The following SAMD5 variants were observed in gnomAD, a reference collection of about 807,000 sequenced individuals.
The protein encoded by SAMD5 is sterile alpha motif domain-containing protein 5.
SAMD5 carries 13 observed loss-of-function variants against 11.3 expected under a neutral mutation model. That is an observed-to-expected ratio of 1.15 (90% CI 0.75 to 1.83). SAMD5 has a LOEUF of 1.83. Ranked by LOEUF, SAMD5 falls within the 40% of genes most tolerant of loss-of-function variation. The pLI is 0.00. For missense variants in SAMD5, 255 were observed against 239.1 expected (o/e 1.07, Z -0.44); for synonymous variants, 129 against 111.3 (o/e 1.16, Z -1.00).
intron 1 of SAMD5, among the ~76,000 whole-genome samples, chr6:147,609,563 T>C (rs1298136351): frequency 6.6e-6 from 1 of 152,212 alleles, no homozygotes; most frequent in African/African-American, 2.4e-5. Flanking sequence ...TTTTAAATTT[T>C]CTTTGAGACG....
intron 1 of SAMD5, chr6:147,730,102 A>G (rs1440109203): frequency 2.3e-6 from 1 of 437,722 alleles, no homozygotes; most frequent in East Asian, 7.0e-5. Context: ...AGAAAAGAAA[A>G]AAAGAAAAGG....
chr6:147,658,941 G>A (rs1440440833), intron 1 of SAMD5, among the ~76,000 whole-genome samples: 1 of 152,186 alleles, frequency 6.6e-6, no homozygotes, highest in Non-Finnish European at 1.5e-5. Context: ...AATTTACTCA[G>A]TTAATGAGTG....
intron 1 of SAMD5, among the ~76,000 whole-genome samples, chr6:147,522,249 A>G (rs1188775618): frequency 6.6e-6 from 1 of 152,122 alleles, no homozygotes; most frequent in East Asian, 1.9e-4. Flanking sequence ...ACAACTAGGT[A>G]TTCTTATAAT....
chr6:147,908,628 C>T, the SAMD5 span, among the ~76,000 whole-genome samples: 1 of 152,106 alleles, frequency 6.6e-6, no homozygotes, highest in Non-Finnish European at 1.5e-5. Context: ...CTATATGTTG[C>T]ATATATATTC....
chr6:147,755,968 CA>C, the SAMD5 span, among the ~76,000 whole-genome samples: 1 of 152,002 alleles, frequency 6.6e-6, no homozygotes, highest in African/African-American at 2.4e-5. Flanking sequence ...AAACTTATAA[CA>C]AGGCCATTTC....
the SAMD5 span, among the ~76,000 whole-genome samples, chr6:147,849,221 A>G: frequency 6.8e-6 from 1 of 147,110 alleles, no homozygotes; most frequent in Non-Finnish European, 1.5e-5. Flanking sequence ...TGATCCCTTA[A>G]TTTTTTAAAA....
At chr6:147,523,155 T>C (rs62434707) in intron 1 of SAMD5, among the ~76,000 whole-genome samples, 2,272 of 152,264 alleles carry the variant, frequency 0.015, 22 homozygotes, top group Non-Finnish European at 0.024. Flanking sequence ...AGGAGCTGCT[T>C]GCCAGATGCC....
intron 1 of SAMD5, among the ~76,000 whole-genome samples, chr6:147,540,017 A>T (rs1788574415): frequency 6.6e-6 from 1 of 152,220 alleles, no homozygotes; most frequent in African/African-American, 2.4e-5. Flanking sequence ...TGATTTACAT[A>T]ATTAAGGTTA....
the SAMD5 span, among the ~76,000 whole-genome samples, chr6:147,841,575 A>G: frequency 1.3e-5 from 2 of 152,200 alleles, no homozygotes; most frequent in African/African-American, 2.4e-5. Flanking sequence ...ACTAACATTA[A>G]AGGAGGAAAT....
the SAMD5 span, among the ~76,000 whole-genome samples, chr6:147,920,265 T>C: frequency 1.2e-4 from 19 of 152,312 alleles, no homozygotes; most frequent in African/African-American, 4.6e-4. Context: ...GGACTTGACT[T>C]GCTGAGTCTT....
chr6:147,851,408 C>T, the SAMD5 span, among the ~76,000 whole-genome samples: 3 of 152,108 alleles, frequency 2.0e-5, no homozygotes, highest in Non-Finnish European at 2.9e-5. Flanking sequence ...AACATACCCC[C>T]CTCAAATAAG....
intron 1 of SAMD5, among the ~76,000 whole-genome samples, chr6:147,708,915 C>T (rs948845960): frequency 1.8e-4 from 27 of 152,130 alleles, no homozygotes; most frequent in African/African-American, 6.5e-4. Context: ...GGATTGGTTT[C>T]GCACTTCATT....
chr6:147,656,899 CGTGTGTGTGTGTGT>C (rs55906300), intron 1 of SAMD5, among the ~76,000 whole-genome samples: 3 of 149,062 alleles, frequency 2.0e-5, no homozygotes, highest in African/African-American at 4.9e-5. Flanking sequence ...ATACAGTATA[CGTGTGTGTGTGTGT>C]GTGTGTGTGT....
the SAMD5 span, among the ~76,000 whole-genome samples, chr6:147,763,124 T>A: frequency 6.6e-6 from 1 of 152,118 alleles, no homozygotes; most frequent in Non-Finnish European, 1.5e-5. Context: ...CTGTCTTTAT[T>A]TAAAATTTTG....
chr6:147,868,879 T>G, the SAMD5 span, among the ~76,000 whole-genome samples: 1 of 152,214 alleles, frequency 6.6e-6, no homozygotes, highest in African/African-American at 2.4e-5. Context: ...CAAATAACTT[T>G]GCCCCTATAA....
chr6:147,651,692 G>T (rs2128453425), intron 1 of SAMD5, among the ~76,000 whole-genome samples: 1 of 152,262 alleles, frequency 6.6e-6, no homozygotes, highest in African/African-American at 2.4e-5. Flanking sequence ...TATTTCTGTT[G>T]TTTATAAGCC....
rs140464857 is a variant in SAMD5, at chr6:147,703,918, C to T, written c.163-33399C>T. Among the ~76,000 whole-genome samples, 50 of 152,078 alleles carry T rather than the reference C, an allele frequency of 3.3e-4. No individual in the cohort carries two copies. In the East Asian group the frequency reaches 3.5e-3, roughly 11 times the overall value. On this transcript the variant is annotated intron_variant, in intron 1 of 1. Transcript: ENST00000566741. Reference sequence around the variant, plus strand: ...TATTATTTATTTATTTATTTTTAGACGGATTCTTGCTCTGACGCCCAGGCT... The same window carrying T: ...TATTATTTATTTATTTATTTTTAGATGGATTCTTGCTCTGACGCCCAGGCT...
chr6:147,648,203 C>T (rs1374962364), intron 1 of SAMD5, among the ~76,000 whole-genome samples: 2 of 152,118 alleles, frequency 1.3e-5, no homozygotes, highest in East Asian at 1.9e-4. Flanking sequence ...TTCAGCATGG[C>T]GAGGGAGGCC....
At chr6:147,808,415 G>T in the SAMD5 span, among the ~76,000 whole-genome samples, 1 of 152,108 alleles carries the variant, frequency 6.6e-6, no homozygotes, top group Non-Finnish European at 1.5e-5. Flanking sequence ...TGTTGCCCAG[G>T]CTGTTCTAGA....
Sources: gnomAD v4.1 joint callset for allele counts (sites outside exome capture counted in the v4.1 genomes callset) on GRCh38, gnomAD v4.1.1 for gene constraint, MANE v1.5 for transcripts, NCBI Gene and HGNC (gene_info 2026-07-23, HGNC 2026-07-21) for gene names.